DCN: variants seen among roughly 807,000 people sequenced by gnomAD.
DCN encodes the protein bone proteoglycan II.
A neutral mutation model predicts 36.5 loss-of-function variants in DCN; 17 were observed. The observed-to-expected ratio is 0.47, with a 90% confidence interval of 0.32 to 0.70. The LOEUF is 0.70. Ranked by LOEUF, DCN falls within the 30% of genes least tolerant of loss-of-function variation. The pLI, the probability that DCN is intolerant of heterozygous loss-of-function variation, is 0.04. For missense variants in DCN, 389 were observed against 430.1 expected, an observed-to-expected ratio of 0.90 and a Z score of 0.84; for synonymous variants, 163 against 161.4, an observed-to-expected ratio of 1.01 and a Z score of -0.07.
At chr12:91,160,501 A>G (rs1327102995) in intron 3 of DCN, among the ~76,000 whole-genome samples, 1 of 152,078 alleles carries the variant, frequency 6.6e-6, no homozygotes, top group African/African-American at 2.4e-5. Context: ...ATAGGCAATT[A>G]TTAGTGCACA....
At chr12:91,170,733 T>C (rs1254815344) in intron 2 of DCN, among the ~76,000 whole-genome samples, 1 of 152,164 alleles carries the variant, frequency 6.6e-6, no homozygotes, top group Non-Finnish European at 1.5e-5. Flanking sequence ...AATCTGTAAG[T>C]TAGCATTCCT....
chr12:91,167,786 A>C (rs1882674177), intron 2 of DCN, among the ~76,000 whole-genome samples: 1 of 152,192 alleles, frequency 6.6e-6, no homozygotes, highest in South Asian at 2.1e-4. Flanking sequence ...GTAGATCAAG[A>C]ACCAGGATAG....
intron 3 of DCN, among the ~76,000 whole-genome samples, chr12:91,163,580 T>A (rs1443172827): frequency 2.0e-5 from 3 of 152,186 alleles, no homozygotes; most frequent in Admixed American, 6.5e-5. Context: ...GTCTCCTCCA[T>A]GAAACCCCTT....
chr12:91,163,384 G>A (rs945951417), intron 3 of DCN, among the ~76,000 whole-genome samples: 24 of 152,224 alleles, frequency 1.6e-4, no homozygotes, highest in Admixed American at 6.5e-5. Flanking sequence ...TTAATCAAAT[G>A]CCCTTGTCTT....
intron 2 of DCN, among the ~76,000 whole-genome samples, chr12:91,169,323 G>C (rs1455502740): frequency 1.5e-5 from 2 of 135,046 alleles, no homozygotes; most frequent in Non-Finnish European, 3.1e-5. Flanking sequence ...TGAGGCTACA[G>C]TGAGCTGTGA....
intron 3 of DCN, among the ~76,000 whole-genome samples, chr12:91,159,780 C>A (rs1324627293): frequency 1.3e-5 from 2 of 151,888 alleles, no homozygotes; most frequent in Non-Finnish European, 2.9e-5. Context: ...GTATGTCTAA[C>A]AAAACCACAT....
In DCN at chr12:91,158,277, G is replaced by C; in HGVS notation, c.538+19C>G. On this transcript the variant is annotated intron_variant, in intron 4 of 7. Transcript: ENST00000052754. Reference sequence around the variant, plus strand: ...TAAAAACTTGAGTTTTGGTCTTAAAGTTATAAAAATGTCTGTACCTATGAC... The same window carrying C: ...TAAAAACTTGAGTTTTGGTCTTAAACTTATAAAAATGTCTGTACCTATGAC... 2 of 1,519,828 alleles carry C rather than the reference G, an allele frequency of 1.3e-6. No homozygotes were observed. The highest frequency in any genetic ancestry group is 1.8e-6 in the Non-Finnish European group (2 of 1,093,984). The allele number at this position is 1,519,828 out of a possible 1,614,324, so 94.1% of individuals were successfully genotyped here.
chr12:91,163,591 T>C (rs989574077), intron 3 of DCN, among the ~76,000 whole-genome samples: 4 of 152,170 alleles, frequency 2.6e-5, no homozygotes, highest in African/African-American at 9.7e-5. Flanking sequence ...GAAACCCCTT[T>C]GTGAGTGGCA....
rs1880935774 is a variant in DCN at position 91,145,263 on chromosome 12, T to C, written c.*795A>G. ...TTCAGCCTGATTACATGAAGTCACA[T>C]GATAGTTTTAATATTTATTTAGCAG... On this transcript the variant is annotated 3_prime_UTR_variant, in exon 8 of 8. Transcript: ENST00000052754. 2 of 152,236 alleles carry C rather than the reference T, an allele frequency of 1.3e-5. No individual in the cohort carries two copies. Among genetic ancestry groups the C allele is most frequent in the East Asian group, 3.9e-4 (2 of 5,194 alleles). 9.4% of individuals were successfully genotyped at this position (152,236 alleles called of 1,614,324 possible). A position where few individuals can be genotyped will look rare whatever the true frequency, so the allele number is the denominator to read the frequency against.
chr12:91,176,107 A>C (rs910089553), intron 2 of DCN: 1 of 152,140 alleles, frequency 6.6e-6, no homozygotes, highest in Admixed American at 6.6e-5. Context: ...TTTTATTTAA[A>C]GTCAAGTGAA....
intron 6 of DCN, 140 bp from the exon 7 acceptor site, chr12:91,151,932 C>A: frequency 2.3e-6 from 2 of 888,092 alleles, no homozygotes; most frequent in Non-Finnish European, 3.6e-6. Context: ...GTGCTTTCTC[C>A]AACCTCTCTG....
intron 6 of DCN, 149 bp downstream of exon 6, chr12:91,152,947 A>G: frequency 1.6e-6 from 1 of 625,490 alleles, no homozygotes; most frequent in Non-Finnish European, 2.9e-6. Flanking sequence ...AAATAATTGG[A>G]TATGCTGAAG....
intron 5 of DCN, 123 bp from the exon 6 acceptor site, chr12:91,153,312 C>A: frequency 1.4e-6 from 1 of 696,270 alleles, no homozygotes; most frequent in Non-Finnish European, 2.6e-6. Context: ...AAAGAATCAG[C>A]TTTACTTTTA....
chr12:91,161,580 G>C (rs1171137703), intron 3 of DCN, among the ~76,000 whole-genome samples: 1 of 152,144 alleles, frequency 6.6e-6, no homozygotes, highest in Non-Finnish European at 1.5e-5. Flanking sequence ...GAAGTGAGGG[G>C]GAGTTGGTGA....
intron 1 of DCN, among the ~76,000 whole-genome samples, chr12:91,182,419 A>G (rs1227435264): frequency 6.6e-6 from 1 of 152,156 alleles, no homozygotes; most frequent in Non-Finnish European, 1.5e-5. Context: ...TTTTTTAAGA[A>G]GCATCTTTGC....
At chr12:91,172,160 T>TA (rs1169020185) in intron 2 of DCN, 8 of 150,848 alleles carry the variant, frequency 5.3e-5, no homozygotes, top group African/African-American at 2.0e-4. Flanking sequence ...TTTTTTTTTT[T>TA]ATTTCCCTTC....
intron 6 of DCN, among the ~76,000 whole-genome samples, chr12:91,152,405 T>C (rs1029949488): frequency 6.6e-6 from 1 of 152,172 alleles, no homozygotes; most frequent in African/African-American, 2.4e-5. Context: ...GATAGTGTGC[T>C]TCTCTGTAGG....
intron 2 of DCN, among the ~76,000 whole-genome samples, chr12:91,171,952 C>CT (rs3138188): frequency 0.017 from 2,580 of 152,132 alleles, 71 homozygotes; most frequent in African/African-American, 0.058. Context: ...ATTGAGCAGC[C>CT]TTATTTAACA....
At chr12:91,151,972 G>T (rs1005592847) in intron 6 of DCN, among the ~76,000 whole-genome samples, 180 bp from the exon 7 acceptor site, 6 of 152,172 alleles carry the variant, frequency 3.9e-5, no homozygotes, top group African/African-American at 1.2e-4. Flanking sequence ...TATTGTTAAG[G>T]TCTCGGCTCA....
Sources: gnomAD v4.1 joint callset for allele counts (sites outside exome capture counted in the v4.1 genomes callset) on GRCh38, gnomAD v4.1.1 for gene constraint, MANE v1.5 for transcripts, NCBI Gene and HGNC (gene_info 2026-07-23, HGNC 2026-07-21) for gene names.